The following RYR3 variants were observed in gnomAD, a reference collection of about 807,000 sequenced individuals.
The protein encoded by RYR3 is ryanodine receptor 3, also known as brain ryanodine receptor-calcium release channel.
Under a neutral mutation model 584.3 loss-of-function variants are expected in RYR3, and 207 were observed. The ratio of observed to expected loss-of-function variants is 0.35; its 90% CI spans 0.32 to 0.40. The LOEUF (loss-of-function observed/expected upper bound fraction) is 0.40. RYR3 is among the 10% of genes least tolerant of loss of function. The probability of loss-of-function intolerance (pLI) is 1.00; values close to 1 mark genes in which losing one functional copy is unlikely to be tolerated. For missense variants in RYR3, 5,616 were observed against 6,089.2 expected, an observed-to-expected ratio of 0.92 and a Z score of 2.59; for synonymous variants, 2,416 against 2,248.5, an observed-to-expected ratio of 1.07 and a Z score of -2.11.
Position 33,823,131 on chromosome 15 carries a change from C to A in RYR3, c.11072+59C>A. 7.6e-6 allele frequency: 11 copies of A among 1,443,294 alleles called. 1 individual carries two copies. The highest frequency in any genetic ancestry group is 9.6e-6 in the Non-Finnish European group (10 of 1,040,886). The allele number at this position is 1,443,294 out of a possible 1,614,324, so 89.4% of individuals were successfully genotyped here. The stretch of plus-strand genomic sequence containing the variant: ...AACTCTTCCCTCTAAGCATAGGAGG[C>A]AGGGGAAGGGGAGCACAAAATATAC... On this transcript the variant is annotated intron_variant, in intron 81 of 103. Coordinates refer to ENST00000634891, the MANE Select transcript of RYR3 (RefSeq NM_001036.6).
intron 1 of RYR3, among the ~76,000 whole-genome samples, chr15:33,371,242 G>A (rs186914553): frequency 7.2e-5 from 11 of 152,232 alleles, no homozygotes; most frequent in African/African-American, 2.6e-4. Context: ...GGCATCGCAG[G>A]GCTTCAGCCT....
intron 4 of RYR3, 64 bp from the exon 5 acceptor site, chr15:33,533,247 G>C: frequency 1.8e-6 from 2 of 1,106,022 alleles, no homozygotes; most frequent in Non-Finnish European, 2.7e-6. Flanking sequence ...AAGCTAACTA[G>C]TGGTAAGATA....
At chr15:33,366,395 A>C (rs1053735720) in intron 1 of RYR3, among the ~76,000 whole-genome samples, 1 of 152,190 alleles carries the variant, frequency 6.6e-6, no homozygotes, top group Non-Finnish European at 1.5e-5. Flanking sequence ...ACAGTAGTTA[A>C]TATATTGAAT....
chr15:33,456,902 C>T (rs944342553), intron 1 of RYR3, among the ~76,000 whole-genome samples: 1 of 152,122 alleles, frequency 6.6e-6, no homozygotes, highest in African/African-American at 2.4e-5. Context: ...TCTAAGCTGA[C>T]TTAGAGAATT....
At chr15:33,526,036 A>G (rs1459600867) in intron 3 of RYR3, among the ~76,000 whole-genome samples, 1 of 152,146 alleles carries the variant, frequency 6.6e-6, no homozygotes, top group Non-Finnish European at 1.5e-5. Flanking sequence ...GCCTTGGAAG[A>G]TTTCTTATTG....
At chr15:33,640,068 C>G (rs927695847) in intron 27 of RYR3, among the ~76,000 whole-genome samples, 1 of 152,192 alleles carries the variant, frequency 6.6e-6, no homozygotes, top group African/African-American at 2.4e-5. Flanking sequence ...CTGCCTCTTG[C>G]TACAGCTTTG....
At chr15:33,368,281 C>T (rs1020665519) in intron 1 of RYR3, among the ~76,000 whole-genome samples, 1 of 150,108 alleles carries the variant, frequency 6.7e-6, no homozygotes, top group African/African-American at 2.5e-5. Flanking sequence ...TCTGGGTCAT[C>T]GCCTAGTTTT....
At chr15:33,347,648 C>T (rs907513359) in intron 1 of RYR3, among the ~76,000 whole-genome samples, 7 of 152,006 alleles carry the variant, frequency 4.6e-5, no homozygotes, top group Admixed American at 2.6e-4. Flanking sequence ...GGGGTTTCAC[C>T]GTGTTATCCA....
Position 33,636,416 on chromosome 15 carries a change from C to T in RYR3, c.3422C>T (p.Thr1141Ile). Reference sequence around the variant, plus strand: ...CAAGGAAGTGGGTATTTTGGGCGTACCTGGCAGCCAGGGGATGTGGTCGGA... The same window carrying T: ...CAAGGAAGTGGGTATTTTGGGCGTATCTGGCAGCCAGGGGATGTGGTCGGA... ...WHQGSGYFGR[T>I]WQPGDVVGCM... Residue 1141 changes from threonine to isoleucine, a missense_variant, in exon 27 of 104, where the codon ACC (threonine) becomes ATC (isoleucine). This residue lies in a region of RYR3 where 152 missense variants were observed against 200.9 expected (regional missense o/e 0.76). Transcript: ENST00000634891. The T allele has an allele frequency of 1.2e-6, 2 of 1,613,906 alleles. No individual in the cohort carries two copies. Among genetic ancestry groups the T allele is most frequent in the East Asian group, 2.2e-5 (1 of 44,884 alleles).
intron 1 of RYR3, among the ~76,000 whole-genome samples, chr15:33,436,128 T>C (rs935976517): frequency 3.9e-5 from 6 of 152,180 alleles, no homozygotes; most frequent in Non-Finnish European, 5.9e-5. Context: ...CTCAATATCA[T>C]ATATAGCAAG....
Position 33,568,475 on chromosome 15 carries a change from G to GTT in RYR3, c.1268+1685_1268+1686dup, listed in dbSNP as rs564366948. Among the ~76,000 whole-genome samples the GTT allele has an allele frequency of 3.3e-3, 489 of 148,314 alleles. 1 individual carries two copies. The highest frequency in any genetic ancestry group is 0.011 in the African/African-American group (454 of 40,588). On this transcript the variant is annotated intron_variant, in intron 12 of 103. Transcript: ENST00000634891. ...ACAGTTCCGTGAGACTTTATTTTTTGTTTTTTTTTTGTTTGAGATAGGGTC... is the reference window on the plus strand; with the variant it reads ...ACAGTTCCGTGAGACTTTATTTTTTGTTTTTTTTTTTTGTTTGAGATAGGGTC...
chr15:33,828,543 T>C (rs1363556670), intron 85 of RYR3, among the ~76,000 whole-genome samples: 1 of 152,138 alleles, frequency 6.6e-6, no homozygotes, highest in Non-Finnish European at 1.5e-5. Context: ...CAAAACACCC[T>C]CATTACTGAA....
chr15:33,526,490 C>G (rs1016234208), intron 3 of RYR3, among the ~76,000 whole-genome samples: 12 of 152,162 alleles, frequency 7.9e-5, no homozygotes, highest in Admixed American at 1.3e-4. Flanking sequence ...CCCACACAAT[C>G]TTCTATGTAG....
chr15:33,550,088 A>C, intron 9 of RYR3, 72 bp from the exon 10 acceptor site: 3 of 1,469,030 alleles, frequency 2.0e-6, no homozygotes, highest in Non-Finnish European at 2.8e-6. Flanking sequence ...ATGTGTAAGA[A>C]AGCATAGGAT....
intron 38 of RYR3, among the ~76,000 whole-genome samples, chr15:33,673,866 G>T (rs2063996064): frequency 2.0e-5 from 3 of 152,142 alleles, no homozygotes; most frequent in Admixed American, 2.0e-4. Context: ...TTCAGCTTTG[G>T]GTGGCATCGG....
intron 38 of RYR3, among the ~76,000 whole-genome samples, chr15:33,691,858 C>T (rs980447433): frequency 1.3e-5 from 2 of 152,308 alleles, no homozygotes; most frequent in Middle Eastern, 3.4e-3. Context: ...GCTGCTAACT[C>T]GATTCAAGCT....
At chr15:33,828,478 G>C (rs925987567) in intron 85 of RYR3, among the ~76,000 whole-genome samples, 1 of 152,190 alleles carries the variant, frequency 6.6e-6, no homozygotes, top group Non-Finnish European at 1.5e-5. Flanking sequence ...CAAAGAAAAA[G>C]TTATTAAAGG....
intron 67 of RYR3, 51 bp downstream of exon 67, chr15:33,788,509 A>G: frequency 6.3e-7 from 1 of 1,594,180 alleles, no homozygotes; most frequent in Non-Finnish European, 8.6e-7. Flanking sequence ...GGGCTAGTTT[A>G]GGCAACAGAA....
Position 33,757,489 on chromosome 15 carries a change from G to T in RYR3, c.8598G>T (p.Leu2866=). The T allele has an allele frequency of 6.2e-7, 1 of 1,608,096 alleles. No individual in the cohort carries two copies. The highest frequency in any genetic ancestry group is 8.5e-7 in the Non-Finnish European group (1 of 1,177,492). ...IKFFAKVLLP[L]VDQYFTSHCL... is the part of the protein sequence containing the mutation. ...GCGTTTCCCAGGTTCTCCTCCCGCT[G>T]GTTGACCAGTACTTCACCAGTCATT... The change falls in exon 60 of 104, where the codon CTG becomes CTT. Residue 2866 remains leucine (L), a synonymous_variant. Transcript: ENST00000634891.
Sources: gnomAD v4.1 joint callset for allele counts (sites outside exome capture counted in the v4.1 genomes callset) on GRCh38, gnomAD v4.1.1 for gene constraint, gnomAD v4.1.1 regional missense constraint, MANE v1.5 for transcripts, NCBI Gene and HGNC (gene_info 2026-07-23, HGNC 2026-07-21) for gene names.